Variants in SLC25A13 observed in about 807,000 individuals in gnomAD.
SLC25A13 encodes the protein solute carrier family 25 member 13, also known as electrogenic aspartate/glutamate antiporter SLC25A13, mitochondrial.
In SLC25A13, 70 loss-of-function variants were observed where a neutral mutation model predicts 85.5. The ratio of observed to expected loss-of-function variants is 0.82; its 90% CI spans 0.68 to 1.00. The LOEUF (loss-of-function observed/expected upper bound fraction) is 1.00, where lower values mean the gene tolerates loss of function less well. Among genes scored for constraint, SLC25A13 ranks in the 50% least tolerant of loss-of-function variants. SLC25A13 has a pLI of 0.00. For synonymous variants in SLC25A13, 259 were observed against 288.7 expected, an observed-to-expected ratio of 0.90 and a Z score of 1.04; for missense variants, 765 against 819.8, an observed-to-expected ratio of 0.93 and a Z score of 0.82.
chr7:96,146,946 C>G (rs1197024703), intron 13 of SLC25A13, among the ~76,000 whole-genome samples: 1 of 152,164 alleles, frequency 6.6e-6, no homozygotes, highest in Non-Finnish European at 1.5e-5. Flanking sequence ...TTCTGTTGAC[C>G]TCCCCAAGTC....
intron 5 of SLC25A13, among the ~76,000 whole-genome samples, chr7:96,208,183 C>A (rs1795531114): frequency 6.6e-6 from 1 of 152,150 alleles, no homozygotes; most frequent in African/African-American, 2.4e-5. Context: ...CACAGCGAGT[C>A]ACAAGCCAAA....
chr7:96,195,226 C>T (rs1795015201), intron 5 of SLC25A13, among the ~76,000 whole-genome samples: 1 of 152,144 alleles, frequency 6.6e-6, no homozygotes, highest in Admixed American at 6.5e-5. Context: ...GTGCTCAAAC[C>T]TGGTCTCTCT....
intron 2 of SLC25A13, among the ~76,000 whole-genome samples, chr7:96,289,630 G>A (rs561765266): frequency 1.1e-4 from 17 of 152,274 alleles, no homozygotes; most frequent in East Asian, 7.7e-4. Flanking sequence ...TTCAGTAGCC[G>A]ATTCGATCAA....
intron 4 of SLC25A13, among the ~76,000 whole-genome samples, chr7:96,217,961 C>A (rs1020896112): frequency 1.4e-5 from 2 of 148,014 alleles, no homozygotes; most frequent in Admixed American, 6.7e-5. Context: ...TAATGAGTAA[C>A]CCTGGGCAAA....
intron 5 of SLC25A13, among the ~76,000 whole-genome samples, chr7:96,201,931 AG>A (rs1795273032): frequency 6.6e-6 from 1 of 152,182 alleles, no homozygotes; most frequent in East Asian, 1.9e-4. Flanking sequence ...GACCAGCAGC[AG>A]TGAATCTCTG....
intron 2 of SLC25A13, 65 bp from the exon 3 acceptor site, chr7:96,277,403 G>C: frequency 6.8e-7 from 1 of 1,469,654 alleles, no homozygotes; most frequent in Non-Finnish European, 9.3e-7. Context: ...AATCATGAGA[G>C]TGATATGTGA....
chr7:96,189,547 A>T, intron 8 of SLC25A13, 34 bp downstream of exon 8: 1 of 1,553,786 alleles, frequency 6.4e-7, no homozygotes, highest in Non-Finnish European at 8.7e-7. Flanking sequence ...TTATTAAGCT[A>T]ATTCCAAAAA....
At chr7:96,217,639 C>A (rs968075093) in intron 4 of SLC25A13, among the ~76,000 whole-genome samples, 1 of 152,130 alleles carries the variant, frequency 6.6e-6, no homozygotes, top group African/African-American at 2.4e-5. Context: ...TGAAAGCCCA[C>A]ATTTTATGAT....
intron 2 of SLC25A13, among the ~76,000 whole-genome samples, chr7:96,293,710 C>CA (rs1799221722): frequency 1.3e-5 from 2 of 152,116 alleles, no homozygotes; most frequent in East Asian, 3.9e-4. Context: ...CAGAGAAATG[C>CA]AAATCAAAAC....
rs867192777 is a variant in SLC25A13 at position 96,318,225 on chromosome 7, G to C, written c.15+3717C>G. Among the ~76,000 whole-genome samples, 14 of 152,242 alleles carry C rather than the reference G, an allele frequency of 9.2e-5. No individual in the cohort carries two copies. In the Middle Eastern group the frequency reaches 0.014, roughly 148 times the overall value. ...ACATCTCACAGGTCTGAACTCAAGG[G>C]AGCATATTCTAACTTTTAGTAGGTT... On this transcript the variant is annotated intron_variant, in intron 1 of 17. Coordinates refer to ENST00000265631, the MANE Select transcript of SLC25A13 (RefSeq NM_014251.3).
intron 13 of SLC25A13, among the ~76,000 whole-genome samples, chr7:96,164,711 TACACAC>T (rs56377235): frequency 3.4e-4 from 49 of 143,148 alleles, no homozygotes; most frequent in Middle Eastern, 3.6e-3. Context: ...GGATTAACTT[TACACAC>T]ACACACACAC....
chr7:96,122,047 T>C, intron 15 of SLC25A13, 50 bp from the exon 16 acceptor site: 1 of 1,609,178 alleles, frequency 6.2e-7, no homozygotes, highest in Non-Finnish European at 8.5e-7. Context: ...TCTCACTATA[T>C]AAAAATAACT....
intron 14 of SLC25A13, among the ~76,000 whole-genome samples, chr7:96,139,180 T>C (rs1792418199): frequency 6.6e-6 from 1 of 152,180 alleles, no homozygotes; most frequent in African/African-American, 2.4e-5. Context: ...ATCCTCTTTC[T>C]ACACACGAGT....
intron 13 of SLC25A13, among the ~76,000 whole-genome samples, chr7:96,153,966 A>C (rs1410851262): frequency 1.3e-5 from 2 of 152,214 alleles, no homozygotes; most frequent in African/African-American, 4.8e-5. Context: ...AAAGAGAAAT[A>C]AGTATCATTA....
chr7:96,176,533 G>A (rs1381675656), intron 11 of SLC25A13, among the ~76,000 whole-genome samples: 2 of 152,206 alleles, frequency 1.3e-5, no homozygotes, highest in Admixed American at 1.3e-4. Context: ...CAGTATTAAT[G>A]TAGTATTTTG....
chr7:96,266,126 T>C (rs1388156818), intron 3 of SLC25A13, among the ~76,000 whole-genome samples: 2 of 152,192 alleles, frequency 1.3e-5, no homozygotes, highest in Admixed American at 6.5e-5. Context: ...TTACGCACTA[T>C]TGCTTTTAGA....
At chr7:96,170,595 T>C (rs1793953194) in intron 12 of SLC25A13, among the ~76,000 whole-genome samples, 1 of 152,198 alleles carries the variant, frequency 6.6e-6, no homozygotes. Flanking sequence ...TATCTAAAAA[T>C]TCCTCAAGGA....
At chr7:96,252,802 T>A (rs1410286544) in intron 3 of SLC25A13, among the ~76,000 whole-genome samples, 1 of 151,958 alleles carries the variant, frequency 6.6e-6, no homozygotes, top group African/African-American at 2.4e-5. Context: ...GATTCAAGAA[T>A]GAATGGGCAG....
At chr7:96,249,075 G>A (rs1430933731) in intron 3 of SLC25A13, among the ~76,000 whole-genome samples, 2 of 152,202 alleles carry the variant, frequency 1.3e-5, no homozygotes, top group Non-Finnish European at 2.9e-5. Flanking sequence ...GAAGGCTAAC[G>A]TGGGAGGGTC....
Sources: gnomAD v4.1 joint callset for allele counts (sites outside exome capture counted in the v4.1 genomes callset) on GRCh38, gnomAD v4.1.1 for gene constraint, MANE v1.5 for transcripts, NCBI Gene and HGNC (gene_info 2026-07-23, HGNC 2026-07-21) for gene names.